The following SH3PXD2A variants were observed in gnomAD, a reference collection of about 807,000 sequenced individuals.
The protein encoded by SH3PXD2A is SH3 and PX domains 2A.
A neutral mutation model predicts 115.2 loss-of-function variants in SH3PXD2A; 32 were observed. The ratio of observed to expected loss-of-function variants is 0.28; its 90% CI spans 0.21 to 0.37. SH3PXD2A has a LOEUF of 0.37. Among genes scored for constraint, SH3PXD2A ranks in the 10% least tolerant of loss-of-function variants. The probability of loss-of-function intolerance (pLI) is 1.00; values close to 1 mark genes in which losing one functional copy is unlikely to be tolerated. For missense variants in SH3PXD2A, 1,328 were observed against 1,498.7 expected (o/e 0.89, Z 1.88); for synonymous variants, 610 against 629.1 (o/e 0.97, Z 0.45).
intron 2 of SH3PXD2A, among the ~76,000 whole-genome samples, chr10:103,768,486 C>A (rs1243633933): frequency 6.6e-6 from 1 of 152,126 alleles, no homozygotes; most frequent in Non-Finnish European, 1.5e-5. Context: ...GAGGGACAGG[C>A]AATGAGATCT....
intron 2 of SH3PXD2A, among the ~76,000 whole-genome samples, chr10:103,770,901 C>T (rs1448728619): frequency 6.6e-6 from 1 of 152,238 alleles, no homozygotes; most frequent in African/African-American, 2.4e-5. Flanking sequence ...TCCTTAATAA[C>T]AATGCATTTC....
At chr10:103,786,899 T>A (rs911491216) in intron 2 of SH3PXD2A, among the ~76,000 whole-genome samples, 2 of 152,116 alleles carry the variant, frequency 1.3e-5, no homozygotes, top group Non-Finnish European at 2.9e-5. Context: ...GTCCCTAAGC[T>A]CCTTCCTTCC....
At chr10:103,780,988 C>T (rs2038926844) in intron 2 of SH3PXD2A, among the ~76,000 whole-genome samples, 1 of 152,184 alleles carries the variant, frequency 6.6e-6, no homozygotes, top group African/African-American at 2.4e-5. Context: ...CTGCACACTG[C>T]CTGGCCTGCC....
intron 1 of SH3PXD2A, among the ~76,000 whole-genome samples, chr10:103,832,802 T>G (rs1469988718): frequency 6.6e-6 from 1 of 152,032 alleles, no homozygotes; most frequent in East Asian, 1.9e-4. Context: ...AATGACGAGT[T>G]AATGGGTGCA....
intron 11 of SH3PXD2A, among the ~76,000 whole-genome samples, chr10:103,613,982 C>T (rs1237075391): frequency 3.3e-5 from 5 of 151,964 alleles, no homozygotes; most frequent in South Asian, 2.1e-4. Flanking sequence ...TGGGGCTGGG[C>T]GAGGTGGCTT....
intron 3 of SH3PXD2A, among the ~76,000 whole-genome samples, chr10:103,750,316 G>C (rs1348940363): frequency 2.0e-5 from 3 of 152,200 alleles, no homozygotes; most frequent in African/African-American, 7.2e-5. Context: ...GCCTACAAAA[G>C]TGCTGGGATT....
chr10:103,603,089 G>A lies in SH3PXD2A; in HGVS notation c.2129C>T (p.Ser710Phe). The change falls in exon 15 of 15, where the codon TCC (serine) becomes TTC (phenylalanine). Residue 710 changes from serine to phenylalanine, a missense_variant. Physicochemically the swap from Ser to Phe is radical, Grantham distance 155. Transcript: ENST00000369774. ...CCSSSSSSSSSLSKTSGDLKP... is the reference protein window; with the variant it reads ...CCSSSSSSSSFLSKTSGDLKP... ...CAGGTCGCCACTGGTTTTGGACAAG[G>A]AAGAGGAGGAGGAGGAAGAGGAGGA... 1 of 1,613,248 alleles carries A rather than the reference G, an allele frequency of 6.2e-7. No homozygotes were observed. The highest frequency in any genetic ancestry group is 8.5e-7 in the Non-Finnish European group (1 of 1,179,952).
intron 1 of SH3PXD2A, among the ~76,000 whole-genome samples, chr10:103,847,492 T>A (rs1842858046): frequency 6.6e-6 from 1 of 152,150 alleles, no homozygotes; most frequent in Non-Finnish European, 1.5e-5. Flanking sequence ...TCTGGCTTAT[T>A]TTTTAATTTT....
rs759897888 is a variant in SH3PXD2A, at chr10:103,767,188, A to G, written c.154-19T>C. The G allele has an allele frequency of 1.9e-6, 3 of 1,601,048 alleles. No individual in the cohort carries two copies. In the Admixed American group the frequency reaches 5.0e-5, roughly 27 times the overall value. Reference sequence around the variant, plus strand: ...GCTGCATCTGAGAAGCCAGACAGACAGAGGGACAGGATTCAGAAGACCAGA... The same window carrying G: ...GCTGCATCTGAGAAGCCAGACAGACGGAGGGACAGGATTCAGAAGACCAGA... On this transcript the variant is annotated intron_variant, in intron 2 of 14. Coordinates refer to ENST00000369774, the MANE Select transcript of SH3PXD2A (RefSeq NM_001394015.1).
At chr10:103,662,451 C>G (rs1014115167) in intron 7 of SH3PXD2A, among the ~76,000 whole-genome samples, 3 of 128,706 alleles carry the variant, frequency 2.3e-5, no homozygotes, top group African/African-American at 6.3e-5. Context: ...GGACTGCGGA[C>G]TGCAGTGGCG....
At chr10:103,826,936 G>A (rs925747866) in intron 1 of SH3PXD2A, among the ~76,000 whole-genome samples, 14 of 152,144 alleles carry the variant, frequency 9.2e-5, no homozygotes, top group Admixed American at 8.5e-4. Context: ...AGGATGCTTC[G>A]GCCCGGCTAA....
chr10:103,697,958 C>G (rs376621271), intron 5 of SH3PXD2A, among the ~76,000 whole-genome samples: 2 of 152,138 alleles, frequency 1.3e-5, no homozygotes, highest in East Asian at 1.9e-4. Context: ...GGTGCTCACC[C>G]ATTTCATGGA....
chr10:103,801,741 T>C (rs10883912), intron 1 of SH3PXD2A, among the ~76,000 whole-genome samples: 83,983 of 152,116 alleles, frequency 0.55, 24,553 homozygotes, highest in South Asian at 0.7. Flanking sequence ...TCTCATTCTG[T>C]TGTCCAGGCT....
At chr10:103,850,241 C>T (rs1428721636) in intron 1 of SH3PXD2A, among the ~76,000 whole-genome samples, 1 of 152,182 alleles carries the variant, frequency 6.6e-6, no homozygotes, top group African/African-American at 2.4e-5. Flanking sequence ...TTCCCTTCCC[C>T]TCTGCCTGCC....
chr10:103,803,313 G>A (rs2039165217), intron 1 of SH3PXD2A, among the ~76,000 whole-genome samples: 1 of 152,066 alleles, frequency 6.6e-6, no homozygotes, highest in Admixed American at 6.6e-5. Flanking sequence ...TAGACTATTG[G>A]CTATTATTAT....
chr10:103,855,132 C>T, intron 1 of SH3PXD2A, 63 bp downstream of exon 1: 1 of 1,253,162 alleles, frequency 8.0e-7, no homozygotes, highest in Non-Finnish European at 1.1e-6. Context: ...GGGCAAGGGG[C>T]CATCCGGGGC....
chr10:103,714,466 C>G (rs1217341099), intron 5 of SH3PXD2A, among the ~76,000 whole-genome samples: 1 of 152,196 alleles, frequency 6.6e-6, no homozygotes, highest in African/African-American at 2.4e-5. Flanking sequence ...GCGCTATGAG[C>G]TGGGCTGGAC....
intron 3 of SH3PXD2A, among the ~76,000 whole-genome samples, chr10:103,743,922 C>T (rs1443214105): frequency 6.6e-6 from 1 of 152,228 alleles, no homozygotes; most frequent in South Asian, 2.1e-4. Flanking sequence ...CACTCAATAA[C>T]AGGGTCTCGC....
chr10:103,682,665 G>A (rs904535160), intron 6 of SH3PXD2A, among the ~76,000 whole-genome samples: 1 of 152,026 alleles, frequency 6.6e-6, no homozygotes, highest in African/African-American at 2.4e-5. Context: ...GCGGAGGCAG[G>A]AGAATTGCTT....
Sources: gnomAD v4.1 joint callset for allele counts (sites outside exome capture counted in the v4.1 genomes callset) on GRCh38, gnomAD v4.1.1 for gene constraint, MANE v1.5 for transcripts, NCBI Gene and HGNC (gene_info 2026-07-23, HGNC 2026-07-21) for gene names.